GTF2IRD1: variants seen among roughly 807,000 people sequenced by gnomAD.
The protein encoded by GTF2IRD1 is GTF2I repeat domain containing 1, also known as general transcription factor II-I repeat domain-containing protein 1.
Under a neutral mutation model 113.2 loss-of-function variants are expected in GTF2IRD1, and 26 were observed. The ratio of observed to expected loss-of-function variants is 0.23; its 90% CI spans 0.17 to 0.32. The LOEUF (loss-of-function observed/expected upper bound fraction) is 0.32. Ranked by LOEUF, GTF2IRD1 falls within the 10% of genes least tolerant of loss-of-function variation. The pLI is 1.00. For missense variants in GTF2IRD1, 864 were observed against 1,280.8 expected, an observed-to-expected ratio of 0.67 and a Z score of 4.97; for synonymous variants, 484 against 529.1, an observed-to-expected ratio of 0.91 and a Z score of 1.17.
At chr7:74,552,671 C>G (rs369218126) in intron 17 of GTF2IRD1, among the ~76,000 whole-genome samples, 2 of 152,128 alleles carry the variant, frequency 1.3e-5, no homozygotes, top group South Asian at 2.1e-4. Context: ...TATGCCTATT[C>G]CCTCAAACCA....
At chr7:74,545,616 CG>C in intron 15 of GTF2IRD1, 127 bp from the exon 16 acceptor site, 2 of 694,708 alleles carry the variant, frequency 2.9e-6, no homozygotes, top group Non-Finnish European at 2.7e-6. Context: ...AGTTACCCAC[CG>C]CCCCAGCCCC....
intron 1 of GTF2IRD1, among the ~76,000 whole-genome samples, chr7:74,505,154 G>A (rs1416373138): frequency 6.6e-6 from 1 of 152,058 alleles, no homozygotes; most frequent in Non-Finnish European, 1.5e-5. Flanking sequence ...CAAAGTGCTG[G>A]GACTATAAGC....
chr7:74,566,231 A>G (rs1800308795), intron 22 of GTF2IRD1, among the ~76,000 whole-genome samples: 1 of 152,122 alleles, frequency 6.6e-6, no homozygotes, highest in African/African-American at 2.4e-5. Context: ...ACATGTTCCC[A>G]TGTCTTTAAA....
intron 22 of GTF2IRD1, among the ~76,000 whole-genome samples, chr7:74,575,552 T>C (rs960992524): frequency 2.6e-5 from 4 of 152,230 alleles, no homozygotes; most frequent in Admixed American, 2.6e-4. Flanking sequence ...GTTGTAATAA[T>C]CCAGGCGACG....
intron 8 of GTF2IRD1, 91 bp from the exon 9 acceptor site, chr7:74,529,643 C>T (rs587689037): frequency 3.3e-5 from 33 of 993,014 alleles, no homozygotes; most frequent in East Asian, 1.3e-4. Flanking sequence ...GGAGTGGGGA[C>T]GGTGGGAGGT....
At chr7:74,595,880 C>G (rs1460046588) in intron 25 of GTF2IRD1, 20 of 152,344 alleles carry the variant, frequency 1.3e-4, no homozygotes, top group African/African-American at 4.6e-4. Context: ...CGAGACTGGC[C>G]AGACCCCCTC....
chr7:74,572,110 T>C (rs1423589113), intron 22 of GTF2IRD1, among the ~76,000 whole-genome samples: 2 of 152,176 alleles, frequency 1.3e-5, no homozygotes, highest in Non-Finnish European at 2.9e-5. Context: ...GGGTCTCCTG[T>C]CACCCAGTGG....
intron 1 of GTF2IRD1, among the ~76,000 whole-genome samples, chr7:74,477,796 C>T (rs1298637762): frequency 1.3e-5 from 2 of 152,170 alleles, no homozygotes; most frequent in African/African-American, 4.8e-5. Flanking sequence ...CGTGAGCCAG[C>T]GCCCCAGGAT....
intron 1 of GTF2IRD1, among the ~76,000 whole-genome samples, chr7:74,459,931 G>A (rs906342288): frequency 6.6e-6 from 1 of 152,036 alleles, no homozygotes; most frequent in Non-Finnish European, 1.5e-5. Context: ...ATGATCTGGA[G>A]CGAGTTTGAA....
chr7:74,527,722 A>T (rs1554347506), intron 8 of GTF2IRD1, among the ~76,000 whole-genome samples: 2 of 152,038 alleles, frequency 1.3e-5, no homozygotes, highest in East Asian at 3.9e-4. Context: ...CACGCCTGTA[A>T]TCCCAGCTAC....
intron 1 of GTF2IRD1, among the ~76,000 whole-genome samples, chr7:74,492,338 T>C (rs532850706): frequency 6.6e-6 from 1 of 151,828 alleles, no homozygotes; most frequent in Admixed American, 6.6e-5. Flanking sequence ...GCCTGGCTAA[T>C]TTTTTGTATT....
At chr7:74,599,772 C>G (rs1290735653) in intron 25 of GTF2IRD1, among the ~76,000 whole-genome samples, 1 of 152,188 alleles carries the variant, frequency 6.6e-6, no homozygotes, top group South Asian at 2.1e-4. Context: ...ATCCACCCAC[C>G]TTGGTCTCCC....
intron 19 of GTF2IRD1, among the ~76,000 whole-genome samples, chr7:74,556,012 G>A (rs1357547035): frequency 2.6e-5 from 4 of 152,076 alleles, no homozygotes; most frequent in Admixed American, 6.6e-5. Flanking sequence ...CACTTTGGGC[G>A]GCCGAGGCAG....
At chr7:74,495,123 G>A (rs536116919) in intron 1 of GTF2IRD1, among the ~76,000 whole-genome samples, 12 of 152,238 alleles carry the variant, frequency 7.9e-5, no homozygotes, top group Non-Finnish European at 1.8e-4. Context: ...TGGGGCCCCA[G>A]AATGGGGGTT....
intron 2 of GTF2IRD1, among the ~76,000 whole-genome samples, chr7:74,509,760 C>T (rs1796518889): frequency 6.6e-6 from 1 of 151,778 alleles, no homozygotes; most frequent in Non-Finnish European, 1.5e-5. Flanking sequence ...GCAACCTCCG[C>T]CTCCCAGGTT....
At chr7:74,567,125 C>T (rs1554360902) in intron 22 of GTF2IRD1, among the ~76,000 whole-genome samples, 1 of 152,066 alleles carries the variant, frequency 6.6e-6, no homozygotes, top group Non-Finnish European at 1.5e-5. Context: ...GTCAGGAGAT[C>T]AAGACCATCC....
chr7:74,497,176 A>T (rs1309146307), intron 1 of GTF2IRD1, among the ~76,000 whole-genome samples: 1 of 152,270 alleles, frequency 6.6e-6, no homozygotes, highest in Middle Eastern at 3.4e-3. Context: ...AAATAAAATA[A>T]AATATAAAAA....
Position 74,556,413 on chromosome 7 carries a change from C to T in GTF2IRD1, c.2023+919C>T, listed in dbSNP as rs183836197. On this transcript the variant is annotated intron_variant, in intron 19 of 26. Coordinates refer to ENST00000424337, the MANE Select transcript of GTF2IRD1 (RefSeq NM_005685.4). ...TCAGCCCACTGCAACCTCCGCTTCC[C>T]GGGTTCAAGCAATTCTCCTGCCTCA... is the stretch of plus-strand genomic sequence containing the variant. 6.6e-3 allele frequency among the ~76,000 whole-genome samples: 997 copies of T among 151,430 alleles called. 12 individuals are homozygous for T. The highest frequency in any genetic ancestry group is 6.9e-3 in the Non-Finnish European group (468 of 67,874).
Position 74,555,110 on chromosome 7 carries a change from A to AAC in GTF2IRD1, c.1917-64_1917-63insAC. 1 of 1,449,848 alleles carries AAC rather than the reference A, an allele frequency of 6.9e-7. No individual in the cohort carries two copies. The highest frequency in any genetic ancestry group is 1.8e-5 in the Admixed American group (1 of 56,194). 89.8% of individuals were successfully genotyped at this position (1,449,848 alleles called of 1,614,324 possible). The stretch of plus-strand genomic sequence containing the variant: ...CTGTGTAGACTGAGGCCCAGAGAGG[A>AAC]GGGCTGAGCAGTCCCAGAGATGCTT... On this transcript the variant is annotated intron_variant, in intron 17 of 26. Coordinates refer to ENST00000424337, the MANE Select transcript of GTF2IRD1 (RefSeq NM_005685.4). The surrounding 1 kb of genome is among the most constrained non-coding windows in gnomAD (Gnocchi z 5.3).
Sources: gnomAD v4.1 joint callset for allele counts (sites outside exome capture counted in the v4.1 genomes callset) on GRCh38, gnomAD v4.1.1 for gene constraint, Gnocchi (gnomAD v3.1) non-coding constraint, MANE v1.5 for transcripts, NCBI Gene and HGNC (gene_info 2026-07-23, HGNC 2026-07-21) for gene names.